The following MBTD1 variants were observed in gnomAD, a reference collection of about 807,000 sequenced individuals.
MBTD1 encodes mbt domain containing 1.
Under a neutral mutation model 87.8 loss-of-function variants are expected in MBTD1, and 24 were observed. The observed-to-expected ratio is 0.27, with a 90% CI of 0.20 to 0.38. The LOEUF (loss-of-function observed/expected upper bound fraction) is 0.38, where lower values mean the gene tolerates loss of function less well. Ranked by LOEUF, MBTD1 falls within the 10% of genes least tolerant of loss-of-function variation. The pLI, the probability that MBTD1 is intolerant of heterozygous loss-of-function variation, is 1.00. For missense variants in MBTD1, 436 were observed against 760.2 expected (o/e 0.57, Z 5.02); for synonymous variants, 237 against 248.6 (o/e 0.95, Z 0.44).
At chr17:51,219,161 T>C (rs1415569425) in intron 4 of MBTD1, 117 bp from the exon 5 acceptor site, 1 of 594,242 alleles carries the variant, frequency 1.7e-6, no homozygotes, top group Non-Finnish European at 3.1e-6. Context: ...TAGAAAATTA[T>C]TAAAGCAGAG....
chr17:51,237,035 C>T (rs556407076), intron 2 of MBTD1, among the ~76,000 whole-genome samples: 2 of 152,088 alleles, frequency 1.3e-5, no homozygotes, highest in East Asian at 1.9e-4. Context: ...CGGTGGCTCA[C>T]GTCTGTAATC....
intron 16 of MBTD1, among the ~76,000 whole-genome samples, chr17:51,188,829 G>A (rs895502829): frequency 6.9e-6 from 1 of 145,632 alleles, no homozygotes; most frequent in Non-Finnish European, 1.5e-5. Flanking sequence ...GCGCGATCTC[G>A]GCTCACTGCA....
At chr17:51,182,105 C>G (rs142436611) in intron 16 of MBTD1, among the ~76,000 whole-genome samples, 102 of 150,518 alleles carry the variant, frequency 6.8e-4, no homozygotes, top group African/African-American at 2.4e-3. Context: ...GCTTTTTCCA[C>G]TCCTGCCTGG....
At chr17:51,232,962 G>C (rs1308564625) in intron 2 of MBTD1, among the ~76,000 whole-genome samples, 1 of 148,092 alleles carries the variant, frequency 6.8e-6, no homozygotes. Flanking sequence ...TGAGATGAGA[G>C]GATCACTTGA....
At chr17:51,231,907 T>C (rs1213563318) in intron 2 of MBTD1, among the ~76,000 whole-genome samples, 2 of 152,108 alleles carry the variant, frequency 1.3e-5, no homozygotes, top group African/African-American at 4.8e-5. Context: ...GCGAACTAAA[T>C]ATTAATATAT....
At chr17:51,232,388 T>A (rs2053595771) in intron 2 of MBTD1, among the ~76,000 whole-genome samples, 1 of 152,058 alleles carries the variant, frequency 6.6e-6, no homozygotes, top group Admixed American at 6.5e-5. Flanking sequence ...TGAGCAAGCA[T>A]CAGCAGAAAC....
intron 16 of MBTD1, among the ~76,000 whole-genome samples, chr17:51,186,720 G>A (rs565528489): frequency 2.4e-4 from 36 of 147,840 alleles, no homozygotes; most frequent in Middle Eastern, 3.5e-3. Context: ...CTTGCAGTGA[G>A]CCGAGATCGT....
At chr17:51,245,361 G>T (rs1413649488) in intron 2 of MBTD1, among the ~76,000 whole-genome samples, 1 of 152,102 alleles carries the variant, frequency 6.6e-6, no homozygotes, top group African/African-American at 2.4e-5. Flanking sequence ...TGCACATGAA[G>T]CTTTTCCCCA....
At chr17:51,242,615 T>C (rs1437450631) in intron 2 of MBTD1, among the ~76,000 whole-genome samples, 2 of 152,186 alleles carry the variant, frequency 1.3e-5, no homozygotes, top group East Asian at 1.9e-4. Flanking sequence ...ATTTCATTTT[T>C]TGGGGGGACT....
chr17:51,220,304 A>G, intron 4 of MBTD1, 26 bp downstream of exon 4: 2 of 1,533,486 alleles, frequency 1.3e-6, no homozygotes, highest in Non-Finnish European at 8.8e-7. Context: ...TAATGGATAT[A>G]AGTAAGAAAG....
At chr17:51,199,451 A>AT (rs907683754) in intron 12 of MBTD1, among the ~76,000 whole-genome samples, 12 of 146,758 alleles carry the variant, frequency 8.2e-5, no homozygotes, top group East Asian at 6.1e-4. Flanking sequence ...TTTTAAAAAA[A>AT]TTTTTTTTTT....
chr17:51,207,666 T>C (rs2051927574), intron 6 of MBTD1, among the ~76,000 whole-genome samples: 1 of 152,154 alleles, frequency 6.6e-6, no homozygotes, highest in African/African-American at 2.4e-5. Context: ...CGGTAATCAC[T>C]AGCCTCCCAC....
At chr17:51,236,433 C>A (rs770213546) in intron 2 of MBTD1, among the ~76,000 whole-genome samples, 36 of 152,216 alleles carry the variant, frequency 2.4e-4, no homozygotes, top group African/African-American at 8.2e-4. Context: ...TTAGTAGAGA[C>A]AGGGTTTCAC....
chr17:51,219,681 T>C (rs1224775029), intron 4 of MBTD1, among the ~76,000 whole-genome samples: 2 of 152,204 alleles, frequency 1.3e-5, no homozygotes, highest in Non-Finnish European at 2.9e-5. Flanking sequence ...ATAAATTAAA[T>C]GAGAAGACTG....
At position 51,177,924 on chromosome 17, in the gene MBTD1, G is replaced by A. The variant is rs1475376091; in HGVS notation, c.*2652C>T. The A allele has an allele frequency of 6.6e-6, 1 of 151,972 alleles. No individual in the cohort carries two copies. The highest frequency in any genetic ancestry group is 2.4e-5 in the African/African-American group (1 of 41,374). The allele number at this position is 151,972 out of a possible 1,614,324, so 9.4% of individuals were successfully genotyped here. ...CCATAATACAAATATTGATGGGAGA[G>A]GGTATTCACATCACGCAAAATTAAT... On this transcript the variant is annotated 3_prime_UTR_variant, in exon 17 of 17. Transcript: ENST00000586178.
intron 12 of MBTD1, 41 bp from the exon 13 acceptor site, chr17:51,195,402 C>G (rs1316121360): frequency 6.9e-7 from 1 of 1,459,418 alleles, no homozygotes; most frequent in African/African-American, 1.4e-5. Context: ...AAATTAGATA[C>G]CACTATTATA....
rs1568135516 is a variant in MBTD1 at position 51,179,488 on chromosome 17, A to ATT, written c.*1087_*1088insAA. The ATT allele has an allele frequency of 3.3e-3, 61 of 18,456 alleles. 3 individuals carry two copies. The highest frequency in any genetic ancestry group is 5.6e-3 in the Non-Finnish European group (50 of 8,882). 1.1% of individuals were successfully genotyped at this position (18,456 alleles called of 1,614,324 possible). On this transcript the variant is annotated 3_prime_UTR_variant, in exon 17 of 17. Coordinates refer to ENST00000586178, the MANE Select transcript of MBTD1 (RefSeq NM_017643.3). ...TGAATACAATTAAAGACAATTTTAT[A>ATT]TATATATATATATATATATATATAT...
intron 2 of MBTD1, among the ~76,000 whole-genome samples, chr17:51,229,660 CTTTT>C (rs36024708): frequency 3.4e-5 from 4 of 117,796 alleles, no homozygotes; most frequent in African/African-American, 3.7e-5. Context: ...TTTTAGTATA[CTTTT>C]TTTTTTTTTT....
At chr17:51,259,630 T>C (rs1295229099) in intron 1 of MBTD1, among the ~76,000 whole-genome samples, 1 of 136,134 alleles carries the variant, frequency 7.3e-6, no homozygotes, top group African/African-American at 2.7e-5. Context: ...CCCCAACGAG[T>C]CCAAGGCTGA....
Sources: gnomAD v4.1 joint callset for allele counts (sites outside exome capture counted in the v4.1 genomes callset) on GRCh38, gnomAD v4.1.1 for gene constraint, MANE v1.5 for transcripts, NCBI Gene and HGNC (gene_info 2026-07-23, HGNC 2026-07-21) for gene names.